The following INPP5E variants were observed in gnomAD, a reference collection of about 807,000 sequenced individuals.
INPP5E encodes the protein inositol polyphosphate-5-phosphatase E.
A neutral mutation model predicts 50.5 loss-of-function variants in INPP5E; 34 were observed. That is an observed-to-expected ratio of 0.67 (90% CI 0.51 to 0.90). The LOEUF (loss-of-function observed/expected upper bound fraction) is 0.90. INPP5E is among the 40% of genes least tolerant of loss of function. The pLI is 0.00. For synonymous variants in INPP5E, 447 were observed against 406.0 expected (o/e 1.10, Z -1.21); for missense variants, 942 against 905.5 (o/e 1.04, Z -0.52).
At chr9:136,433,584 C>T (rs566313363) in intron 3 of INPP5E, among the ~76,000 whole-genome samples, 3 of 152,188 alleles carry the variant, frequency 2.0e-5, no homozygotes, top group Non-Finnish European at 2.9e-5. Flanking sequence ...ACTCCTTCCC[C>T]CAGAGCACCT....
chr9:136,437,428 C>T (rs1000252330), intron 1 of INPP5E: 2 of 152,266 alleles, frequency 1.3e-5, no homozygotes, highest in Admixed American at 6.5e-5. Flanking sequence ...GAGAGGGGAA[C>T]ACAGAGAGAC....
In INPP5E at chr9:136,439,297, A is replaced by T; in HGVS notation, c.123T>A (p.Asp41Glu). ...PPAQRAGSPP[D>E]APGSESPALA... ...GCGCGGGGCTCTCGGAGCCCGGAGC[A>T]TCGGGTGGGGACCCCGCGCGCTGGG... Residue 41 changes from aspartate to glutamate, a missense_variant, in exon 1 of 10, where the codon GAT (aspartate) becomes GAA (glutamate). Transcript: ENST00000371712. The T allele has an allele frequency of 1.4e-6, 2 of 1,441,090 alleles. No individual in the cohort carries two copies. The highest frequency in any genetic ancestry group is 9.0e-7 in the Non-Finnish European group (1 of 1,106,620). The allele number at this position is 1,441,090 out of a possible 1,614,324, so 89.3% of individuals were successfully genotyped here.
At position 136,434,754 on chromosome 9, in the gene INPP5E, T is replaced by C; in HGVS notation, c.922A>G (p.Met308Val). 4 of 1,476,814 alleles carry C rather than the reference T, an allele frequency of 2.7e-6. No individual in the cohort carries two copies. The highest frequency in any genetic ancestry group is 3.7e-6 in the Non-Finnish European group (4 of 1,094,054). 91.5% of individuals were successfully genotyped at this position (1,476,814 alleles called of 1,614,324 possible). A position where few individuals can be genotyped will look rare whatever the true frequency, so the allele number is the denominator to read the frequency against. ...NVALFVATWN[M>V]QGQKELPPSL... ...CAGCCACTCACCTTCTGGCCCTGCA[T>C]GTTCCAGGTGGCCACGAAGAGTGCC... The change falls in exon 2 of 10, where the codon ATG becomes GTG. Residue 308 changes from methionine (M) to valine (V), a missense_variant. Transcript: ENST00000371712.
At chr9:136,433,105 G>T in intron 4 of INPP5E, 30 bp from the exon 5 acceptor site, 1 of 1,515,060 alleles carries the variant, frequency 6.6e-7, no homozygotes. Context: ...CAGCTCACCT[G>T]TGGGACGCTG....
In INPP5E at chr9:136,432,579, G is replaced by A. The variant is rs969546384; in HGVS notation, c.1287C>T (p.Asp429=). The A allele has an allele frequency of 1.3e-5, 20 of 1,544,098 alleles. No individual in the cohort carries two copies. In the Admixed American group the frequency reaches 2.7e-4, roughly 21 times the overall value. The part of the protein sequence containing the change: ...LFITSHFTSG[D]GKVAERLLDY... Reference sequence around the variant, plus strand: ...CCAGCAGCCGCTCCGCCACCTTCCCGTCACCTGCTGTGGGAACAGAAATGG... The same window carrying A: ...CCAGCAGCCGCTCCGCCACCTTCCCATCACCTGCTGTGGGAACAGAAATGG... The change falls in exon 6 of 10, where the codon GAC becomes GAT. Residue 429 remains aspartate, a synonymous_variant. Transcript: ENST00000371712.
chr9:136,434,933 C>T, intron 1 of INPP5E, 70 bp from the exon 2 acceptor site: 1 of 1,546,004 alleles, frequency 6.5e-7, no homozygotes, highest in Non-Finnish European at 8.8e-7. Flanking sequence ...GCCAGGTCCC[C>T]AGGGACAATA....
intron 3 of INPP5E, among the ~76,000 whole-genome samples, chr9:136,433,676 C>T (rs1334074423): frequency 6.6e-6 from 1 of 152,234 alleles, no homozygotes; most frequent in Non-Finnish European, 1.5e-5. Flanking sequence ...TCCGGCTGCC[C>T]TTCTACTCTC....
chr9:136,429,864 A>G, intron 9 of INPP5E, 57 bp from the exon 10 acceptor site: 1 of 1,306,602 alleles, frequency 7.7e-7, no homozygotes, highest in Non-Finnish European at 1.1e-6. Context: ...AGGGGGCGTT[A>G]GGAGGGGGCC....
chr9:136,434,404 C>T (rs1835783304), intron 2 of INPP5E, among the ~76,000 whole-genome samples: 2 of 152,212 alleles, frequency 1.3e-5, no homozygotes, highest in African/African-American at 4.8e-5. Flanking sequence ...GACCCCAGCC[C>T]GTGCTGCCCA....
intron 9 of INPP5E, 150 bp from the exon 10 acceptor site, chr9:136,429,957 T>C: frequency 1.4e-6 from 1 of 712,954 alleles, no homozygotes; most frequent in Non-Finnish European, 2.4e-6. Context: ...AGATTGGCCC[T>C]GCCTCTAAGC....
intron 5 of INPP5E, 22 bp downstream of exon 5, chr9:136,432,934 G>A (rs762799760): frequency 2.5e-6 from 4 of 1,611,024 alleles, no homozygotes; most frequent in Admixed American, 1.7e-5. Context: ...AGCACCTGCG[G>A]TGCGGGCACC....
intron 3 of INPP5E, 48 bp from the exon 4 acceptor site, chr9:136,433,327 C>T: frequency 1.3e-6 from 2 of 1,539,436 alleles, no homozygotes; most frequent in Non-Finnish European, 1.7e-6. Flanking sequence ...CCTCCCAGCT[C>T]CGCCACCCCC....
rs1326309360 is a variant in INPP5E at position 136,439,233 on chromosome 9, G to A, written c.187C>T (p.Pro63Ser). The A allele has an allele frequency of 3.3e-6, 5 of 1,525,778 alleles. No homozygotes were observed. Among genetic ancestry groups the A allele is most frequent in the African/African-American group, 1.4e-5 (1 of 72,296 alleles). 94.5% of individuals were successfully genotyped at this position (1,525,778 alleles called of 1,614,324 possible). ...STPATPSGED[P>S]PARAAPIAPR... Reference sequence around the variant, plus strand: ...GCGATGGGTGCTGCTCGGGCTGGCGGGTCCTCGCCGCTGGGCGTGGCCGGA... The same window carrying A: ...GCGATGGGTGCTGCTCGGGCTGGCGAGTCCTCGCCGCTGGGCGTGGCCGGA... Residue 63 changes from proline to serine, a missense_variant, in exon 1 of 10, where the codon CCG becomes TCG. Coordinates refer to ENST00000371712, the MANE Select transcript of INPP5E (RefSeq NM_019892.6).
chr9:136,429,847 CAGGAGGAGGGGGCGTT>C lies in INPP5E; in HGVS notation c.1803-56_1803-41del, dbSNP rs555221247. 625 of 1,533,852 alleles carry C rather than the reference CAGGAGGAGGGGGCGTT, an allele frequency of 4.1e-4. 6 individuals are homozygous for C. In the African/African-American group the frequency reaches 6.5e-3, roughly 16 times the overall value. On this transcript the variant is annotated intron_variant, in intron 9 of 9. Coordinates refer to ENST00000371712, the MANE Select transcript of INPP5E (RefSeq NM_019892.6). ...GGGGCGTTAGGAGGGCACCCAGGGC[CAGGAGGAGGGGGCGTT>C]AGGAGGGGGCCGGCCCCGGAGGAGG...
intron 5 of INPP5E, 76 bp from the exon 6 acceptor site, chr9:136,432,662 C>T (rs904349535): frequency 2.1e-5 from 22 of 1,067,516 alleles, no homozygotes; most frequent in Non-Finnish European, 3.1e-5. Context: ...CACCTCTGGA[C>T]TGTGCCCTGA....
At chr9:136,432,064 G>A (rs1430926068) in intron 6 of INPP5E, 79 bp from the exon 7 acceptor site, 3 of 1,569,688 alleles carry the variant, frequency 1.9e-6, no homozygotes, top group African/African-American at 2.7e-5. Flanking sequence ...TGGCCTGGGA[G>A]TGGCTCTCAG....
chr9:136,434,690 TCCAGCACCACCCCACCCTTCCCCGC>T (rs1419404414), intron 2 of INPP5E, 25 bp downstream of exon 2: 7 of 1,570,140 alleles, frequency 4.5e-6, no homozygotes, highest in Admixed American at 3.7e-5. Context: ...CCCGCCTTTG[TCCAGCACCACCCCACCCTTCCCCGC>T]CCAGCACCAC....
rs1444322599 is a variant in INPP5E, at chr9:136,439,210, G to T, written c.210C>A (p.Ile70=). The change falls in exon 1 of 10, where the codon ATC becomes ATA. Residue 70 remains isoleucine (I), a synonymous_variant. Coordinates refer to ENST00000371712, the MANE Select transcript of INPP5E (RefSeq NM_019892.6). ...GAGGCCTGGCGGGGGGCCGCGGGGC[G>T]ATGGGTGCTGCTCGGGCTGGCGGGT... ...GEDPPARAAP[I]APRPPARPRL... 1 of 1,539,054 alleles carries T rather than the reference G, an allele frequency of 6.5e-7. No individual in the cohort carries two copies. Among genetic ancestry groups the T allele is most frequent in the African/African-American group, 1.4e-5 (1 of 73,290 alleles).
At chr9:136,430,969 G>T in intron 8 of INPP5E, 33 bp downstream of exon 8, 2 of 1,438,686 alleles carry the variant, frequency 1.4e-6, no homozygotes, top group Non-Finnish European at 9.8e-7. Context: ...TGCCCTGGAA[G>T]CACTCTGCAC....
Sources: gnomAD v4.1 joint callset for allele counts (sites outside exome capture counted in the v4.1 genomes callset) on GRCh38, gnomAD v4.1.1 for gene constraint, MANE v1.5 for transcripts, NCBI Gene and HGNC (gene_info 2026-07-23, HGNC 2026-07-21) for gene names.